The following CTNNA2 variants were observed in gnomAD, a reference collection of about 807,000 sequenced individuals.
CTNNA2 encodes catenin alpha-2.
A neutral mutation model predicts 101.0 loss-of-function variants in CTNNA2; 42 were observed. The ratio of observed to expected loss-of-function variants is 0.42; its 90% CI spans 0.32 to 0.54. CTNNA2 has a LOEUF of 0.54. Among genes scored for constraint, CTNNA2 ranks in the 20% least tolerant of loss-of-function variants. The probability of loss-of-function intolerance (pLI) is 0.14; values close to 1 mark genes in which losing one functional copy is unlikely to be tolerated. For missense variants in CTNNA2, 871 were observed against 1,223.1 expected, an observed-to-expected ratio of 0.71 and a Z score of 4.29; for synonymous variants, 450 against 456.4, an observed-to-expected ratio of 0.99 and a Z score of 0.18.
chr2:80,462,631 C>CTTTTTT lies in CTNNA2; in HGVS notation c.1290+43046_1290+43051dup, dbSNP rs753815778. Among the ~76,000 whole-genome samples, 146 of 94,752 alleles carry CTTTTTT rather than the reference C, an allele frequency of 1.5e-3. 4 individuals are homozygous for CTTTTTT. Among genetic ancestry groups the CTTTTTT allele is most frequent in the African/African-American group, 3.6e-3 (78 of 21,666 alleles). The allele number at this position is 94,752 out of a possible 152,430, so 62.2% of individuals were successfully genotyped here. On this transcript the variant is annotated intron_variant, in intron 9 of 18. Coordinates refer to ENST00000402739, the MANE Select transcript of CTNNA2 (RefSeq NM_001282597.3). ...CCTTCCTTTCCTTCTTTCTTTCTTT[C>CTTTTTT]TTTTTTTTTTTTTTTTTTTTTGACG...
chr2:79,351,158 G>A (rs1208866880), intron 3 of CTNNA2, among the ~76,000 whole-genome samples: 1 of 151,956 alleles, frequency 6.6e-6, no homozygotes, highest in Non-Finnish European at 1.5e-5. Context: ...GTCTATTTTT[G>A]TTTCTGTTGC....
chr2:80,351,325 G>A (rs914998107), intron 7 of CTNNA2, among the ~76,000 whole-genome samples: 2 of 151,998 alleles, frequency 1.3e-5, no homozygotes, highest in Non-Finnish European at 2.9e-5. Flanking sequence ...TGTAATACTC[G>A]CCTATAGCCA....
chr2:80,590,674 A>G (rs1290226213), intron 15 of CTNNA2, among the ~76,000 whole-genome samples: 4 of 152,170 alleles, frequency 2.6e-5, no homozygotes, highest in Non-Finnish European at 5.9e-5. Context: ...TACTAATGAC[A>G]TAGCTTGGCC....
intron 3 of CTNNA2, among the ~76,000 whole-genome samples, chr2:79,358,069 T>G (rs1677547902): frequency 6.6e-6 from 1 of 152,160 alleles, no homozygotes; most frequent in African/African-American, 2.4e-5. Context: ...AAGATGAAAT[T>G]TTTTTTGGTG....
intron 7 of CTNNA2, among the ~76,000 whole-genome samples, chr2:80,035,379 G>T (rs1695581181): frequency 6.6e-6 from 1 of 152,158 alleles, no homozygotes; most frequent in Non-Finnish European, 1.5e-5. Flanking sequence ...AAGATTAAAT[G>T]AGAAAAATAT....
At chr2:79,560,350 T>C (rs1158101795) in intron 1 of CTNNA2, among the ~76,000 whole-genome samples, 4 of 151,864 alleles carry the variant, frequency 2.6e-5, no homozygotes, top group Non-Finnish European at 4.4e-5. Context: ...CTCTATTAGG[T>C]TGGTGGTGGT....
chr2:79,688,268 C>T (rs1684067667), intron 2 of CTNNA2, among the ~76,000 whole-genome samples: 1 of 151,804 alleles, frequency 6.6e-6, no homozygotes, highest in South Asian at 2.1e-4. Flanking sequence ...TAAACGAGTG[C>T]CAGTAGAACA....
Position 80,644,847 on chromosome 2 carries a change from TCAAA to T in CTNNA2, c.2575-2735_2575-2732del, listed in dbSNP as rs762776989. Among the ~76,000 whole-genome samples the T allele has an allele frequency of 1.8e-3, 269 of 152,260 alleles. 1 individual carries two copies. Among genetic ancestry groups the T allele is most frequent in the Non-Finnish European group, 2.6e-3 (175 of 68,014 alleles). ...TTTATATTTCAAAGCTATCTCACTC[TCAAA>T]CAGTGTATTAGGTTTATTTACAGGA... On this transcript the variant is annotated intron_variant, in intron 18 of 18. Coordinates refer to ENST00000402739, the MANE Select transcript of CTNNA2 (RefSeq NM_001282597.3).
At chr2:79,975,372 C>G (rs1690761850) in intron 7 of CTNNA2, among the ~76,000 whole-genome samples, 2 of 152,188 alleles carry the variant, frequency 1.3e-5, no homozygotes, top group African/African-American at 2.4e-5. Flanking sequence ...ACACAAAACA[C>G]TTCTGAGACC....
intron 1 of CTNNA2, among the ~76,000 whole-genome samples, chr2:79,548,916 C>T (rs557451796): frequency 6.6e-6 from 1 of 152,252 alleles, no homozygotes; most frequent in East Asian, 1.9e-4. Context: ...AACTCCCAAT[C>T]CCAGGCACTT....
intron 7 of CTNNA2, among the ~76,000 whole-genome samples, chr2:80,006,511 G>A (rs1357956023): frequency 6.6e-6 from 1 of 151,980 alleles, no homozygotes; most frequent in African/African-American, 2.4e-5. Flanking sequence ...ATGGAGACCA[G>A]GTTTCTCCAT....
At chr2:79,699,492 G>A (rs1330042758) in intron 2 of CTNNA2, among the ~76,000 whole-genome samples, 2 of 151,776 alleles carry the variant, frequency 1.3e-5, no homozygotes, top group African/African-American at 4.8e-5. Context: ...TTAAATTCAA[G>A]GCCAAAAGTC....
Position 80,245,823 on chromosome 2 carries a change from T to TTTTTTGG in CTNNA2, c.1057-147388_1057-147387insTTTTTGG, listed in dbSNP as rs1671281900. Among the ~76,000 whole-genome samples the TTTTTTGG allele has an allele frequency of 2.6e-5, 3 of 114,458 alleles. 1 individual carries two copies. The highest frequency in any genetic ancestry group is 1.1e-4 in the African/African-American group (3 of 27,274). The allele number at this position is 114,458 out of a possible 152,430, so 75.1% of individuals were successfully genotyped here. A position where few individuals can be genotyped will look rare whatever the true frequency, so the allele number is the denominator to read the frequency against. On this transcript the variant is annotated intron_variant, in intron 7 of 18. Coordinates refer to ENST00000402739, the MANE Select transcript of CTNNA2 (RefSeq NM_001282597.3). Reference sequence around the variant, plus strand: ...TTTTTTTTTTTTTTTTTTTTTTTTTTGCACTCTGTAGCCCAGGCTGGAGTG... The same window carrying TTTTTTGG: ...TTTTTTTTTTTTTTTTTTTTTTTTTTTTTTTGGGCACTCTGTAGCCCAGGCTGGAGTG...
intron 2 of CTNNA2, among the ~76,000 whole-genome samples, chr2:79,292,545 T>G (rs914972580): frequency 3.3e-5 from 5 of 151,370 alleles, no homozygotes; most frequent in African/African-American, 9.8e-5. Flanking sequence ...TTTTAGAATT[T>G]CCATTTAATT....
At chr2:79,832,760 CA>C (rs1313503970) in intron 3 of CTNNA2, among the ~76,000 whole-genome samples, 1 of 152,176 alleles carries the variant, frequency 6.6e-6, no homozygotes, top group Non-Finnish European at 1.5e-5. Context: ...AATGGATGAG[CA>C]TTTGTTGATG....
chr2:80,269,412 C>A (rs958058265), intron 7 of CTNNA2, among the ~76,000 whole-genome samples: 1 of 152,148 alleles, frequency 6.6e-6, no homozygotes, highest in African/African-American at 2.4e-5. Context: ...GCCTCCCCAG[C>A]CCTTCAGAAC....
At chr2:80,014,176 C>T (rs2104044643) in intron 7 of CTNNA2, among the ~76,000 whole-genome samples, 1 of 152,162 alleles carries the variant, frequency 6.6e-6, no homozygotes, top group East Asian at 1.9e-4. Flanking sequence ...TATCACTGTA[C>T]TCATTATTTT....
chr2:79,559,259 G>A (rs1305046358), intron 1 of CTNNA2, among the ~76,000 whole-genome samples: 1 of 151,920 alleles, frequency 6.6e-6, no homozygotes, highest in Non-Finnish European at 1.5e-5. Flanking sequence ...CCTGGTATGT[G>A]CCATTGAATT....
intron 11 of CTNNA2, among the ~76,000 whole-genome samples, chr2:80,549,056 G>A (rs1215198398): frequency 6.6e-6 from 1 of 151,982 alleles, no homozygotes; most frequent in Non-Finnish European, 1.5e-5. Context: ...ACAAGTTTGG[G>A]GAGCAATGAT....
Sources: allele counts gnomAD v4.1 joint callset (sites outside exome capture counted in the v4.1 genomes callset), GRCh38; gene constraint gnomAD v4.1.1; transcripts MANE v1.5; gene names NCBI Gene and HGNC (gene_info 2026-07-23, HGNC 2026-07-21).